Variants in AUTS2 observed in about 807,000 individuals in gnomAD.
AUTS2 encodes the protein autism susceptibility gene 2 protein.
A neutral mutation model predicts 112.4 loss-of-function variants in AUTS2; 17 were observed. That is an observed-to-expected ratio of 0.15 (90% CI 0.10 to 0.23). AUTS2 has a LOEUF of 0.23. Ranked by LOEUF, AUTS2 falls within the 10% of genes least tolerant of loss-of-function variation. AUTS2 has a pLI of 1.00. For missense variants in AUTS2, 1,510 were observed against 1,701.6 expected (o/e 0.89, Z 1.98); for synonymous variants, 751 against 702.7 (o/e 1.07, Z -1.09).
At chr7:70,336,225 A>T (rs1270084432) in intron 4 of AUTS2, among the ~76,000 whole-genome samples, 1 of 152,210 alleles carries the variant, frequency 6.6e-6, no homozygotes, top group East Asian at 1.9e-4. Context: ...AAATGGAACA[A>T]TAAAGAAAAT....
intron 4 of AUTS2, among the ~76,000 whole-genome samples, chr7:70,360,784 G>C (rs1792224949): frequency 1.3e-5 from 2 of 152,152 alleles, no homozygotes; most frequent in Admixed American, 1.3e-4. Context: ...AAGGCTGACC[G>C]TGAGCTGTGT....
chr7:70,695,229 T>C (rs1809016137), intron 5 of AUTS2, among the ~76,000 whole-genome samples: 1 of 152,026 alleles, frequency 6.6e-6, no homozygotes, highest in African/African-American at 2.4e-5. Context: ...TCCTCCCCCC[T>C]CTGCGGCCCT....
At chr7:70,464,851 T>G (rs1424780946) in intron 5 of AUTS2, among the ~76,000 whole-genome samples, 2 of 152,110 alleles carry the variant, frequency 1.3e-5, no homozygotes, top group Non-Finnish European at 2.9e-5. Context: ...ATTCTGGGAT[T>G]TCTTTATTGT....
chr7:70,459,507 G>A (rs533626172), intron 5 of AUTS2, among the ~76,000 whole-genome samples: 8 of 152,160 alleles, frequency 5.3e-5, no homozygotes, highest in African/African-American at 1.7e-4. Context: ...TCCAGGGTCC[G>A]TGTGAGCCCC....
At chr7:69,789,071 A>G (rs542028293) in intron 1 of AUTS2, among the ~76,000 whole-genome samples, 1 of 152,178 alleles carries the variant, frequency 6.6e-6, no homozygotes, top group Non-Finnish European at 1.5e-5. Flanking sequence ...GTTTAATGCC[A>G]TCAACAAGTT....
chr7:70,331,619 C>T (rs1790754894), intron 4 of AUTS2, among the ~76,000 whole-genome samples: 1 of 151,726 alleles, frequency 6.6e-6, no homozygotes, highest in Admixed American at 6.6e-5. Context: ...AGCTTATCCA[C>T]CATAATCAAG....
At chr7:70,775,426 T>C in intron 13 of AUTS2, 40 bp downstream of exon 13, 1 of 1,542,520 alleles carries the variant, frequency 6.5e-7, no homozygotes, top group South Asian at 1.1e-5. Flanking sequence ...CAACCTCTAT[T>C]TGACTCCCTG....
intron 4 of AUTS2, among the ~76,000 whole-genome samples, chr7:70,281,679 G>T (rs572002066): frequency 4.6e-5 from 7 of 151,496 alleles, no homozygotes; most frequent in Non-Finnish European, 1.0e-4. Flanking sequence ...GTACTTACTT[G>T]TTGTAAACAT....
chr7:70,743,222 C>A (rs1788223345), intron 6 of AUTS2, among the ~76,000 whole-genome samples: 1 of 152,148 alleles, frequency 6.6e-6, no homozygotes, highest in Non-Finnish European at 1.5e-5. Flanking sequence ...AATCCCAGCA[C>A]TTTGGGAGGC....
chr7:70,399,165 T>C (rs1794219159), intron 4 of AUTS2, among the ~76,000 whole-genome samples: 1 of 151,876 alleles, frequency 6.6e-6, no homozygotes, highest in Non-Finnish European at 1.5e-5. Context: ...TTTTTTTTCT[T>C]TTTTTGTAGG....
chr7:70,769,720 C>G (rs1790214625), intron 10 of AUTS2, among the ~76,000 whole-genome samples: 1 of 152,064 alleles, frequency 6.6e-6, no homozygotes, highest in African/African-American at 2.4e-5. Context: ...AAGTTGAGCA[C>G]CCAAAAAGTG....
intron 1 of AUTS2, among the ~76,000 whole-genome samples, chr7:69,758,598 C>T (rs1359274211): frequency 6.6e-6 from 1 of 152,180 alleles, no homozygotes; most frequent in Non-Finnish European, 1.5e-5. Flanking sequence ...TGTTCACATT[C>T]AGTGAAATGT....
At chr7:70,497,376 A>G (rs2116570678) in intron 5 of AUTS2, among the ~76,000 whole-genome samples, 1 of 152,344 alleles carries the variant, frequency 6.6e-6, no homozygotes, top group African/African-American at 2.4e-5. Flanking sequence ...TTGAGGCTTC[A>G]GACAGGTTGC....
chr7:69,972,813 G>C (rs1350933318), intron 2 of AUTS2, among the ~76,000 whole-genome samples: 3 of 151,910 alleles, frequency 2.0e-5, no homozygotes, highest in Non-Finnish European at 4.4e-5. Context: ...GTACTTAAAT[G>C]GGTCTGTTTT....
Position 70,790,939 on chromosome 7 carries a change from C to G in AUTS2, c.3723C>G (p.Ser1241=). 1 of 1,539,540 alleles carries G rather than the reference C, an allele frequency of 6.5e-7. No individual in the cohort carries two copies. The highest frequency in any genetic ancestry group is 8.7e-7 in the Non-Finnish European group (1 of 1,144,614). ...CTCCCAGAAGGACGACTCCTCTGTC[C>G]GCAGAGATAAGGGAGAGGCCCCCTT... ...PVSPRRTTPL[S]AEIRERPPSH... Residue 1241 remains serine, a synonymous_variant, in exon 19 of 19, where the codon TCC becomes TCG. Transcript: ENST00000342771. The surrounding 1 kb of genome is among the most constrained non-coding windows in gnomAD (Gnocchi z 7.6).
At chr7:69,669,914 A>G (rs1796239696) in intron 1 of AUTS2, among the ~76,000 whole-genome samples, 1 of 152,176 alleles carries the variant, frequency 6.6e-6, no homozygotes. Flanking sequence ...ATAGAGATGG[A>G]GACCTGGTTT....
intron 6 of AUTS2, among the ~76,000 whole-genome samples, chr7:70,732,445 C>T (rs1194711078): frequency 2.0e-5 from 3 of 152,122 alleles, no homozygotes; most frequent in Admixed American, 1.3e-4. Context: ...TCTCAGTATC[C>T]GAGGTTCCTG....
At chr7:70,035,920 T>A (rs1261610981) in intron 2 of AUTS2, among the ~76,000 whole-genome samples, 1 of 152,200 alleles carries the variant, frequency 6.6e-6, no homozygotes, top group Non-Finnish European at 1.5e-5. Context: ...TATGTAATGT[T>A]GAAAAATATA....
intron 2 of AUTS2, among the ~76,000 whole-genome samples, chr7:70,090,038 A>AAATG (rs1266611255): frequency 6.6e-6 from 1 of 150,952 alleles, no homozygotes; most frequent in Non-Finnish European, 1.5e-5. Flanking sequence ...ATAAATAAAT[A>AAATG]AATAAATTTA....
Sources: gnomAD v4.1 joint callset for allele counts (sites outside exome capture counted in the v4.1 genomes callset) on GRCh38, gnomAD v4.1.1 for gene constraint, Gnocchi (gnomAD v3.1) non-coding constraint, MANE v1.5 for transcripts, NCBI Gene and HGNC (gene_info 2026-07-23, HGNC 2026-07-21) for gene names.